CEACAM19: variants seen among roughly 807,000 people sequenced by gnomAD.
CEACAM19 encodes CEA cell adhesion molecule 19.
A neutral mutation model predicts 37.6 loss-of-function variants in CEACAM19; 37 were observed. That is an observed-to-expected ratio of 0.98 (90% CI 0.76 to 1.29). CEACAM19 has a LOEUF of 1.29. Among genes scored for constraint, CEACAM19 ranks in the 50% most tolerant of loss-of-function variants. CEACAM19 has a pLI of 0.00. For missense variants in CEACAM19, 340 were observed against 375.6 expected, an observed-to-expected ratio of 0.91 and a Z score of 0.78; for synonymous variants, 140 against 149.8, an observed-to-expected ratio of 0.93 and a Z score of 0.48.
chr19:44,672,761 G>A lies in CEACAM19; in HGVS notation c.221G>A (p.Gly74Asp), dbSNP rs765102638. The change falls in exon 2 of 8, where the codon GGC becomes GAC. Residue 74 changes from glycine to aspartate, a missense_variant. Physicochemically the swap from Gly to Asp is moderately conservative, Grantham distance 94 (BLOSUM62 -1). Coordinates refer to ENST00000358777, the MANE Select transcript of CEACAM19 (RefSeq NM_001127893.3). Reference protein sequence around the residue: ...NWYLGEETYGGTRLFTYIPGI... With the variant: ...NWYLGEETYGDTRLFTYIPGI... ...TACCTGGGGGAGGAGACGTACGGAG[G>A]CACGAGGCTATTTACCTACATCCCT... 1 of 1,581,062 alleles carries A rather than the reference G, an allele frequency of 6.3e-7. No homozygotes were observed. Among genetic ancestry groups the A allele is most frequent in the Non-Finnish European group, 8.6e-7 (1 of 1,161,604 alleles).
chr19:44,679,074 C>A, intron 4 of CEACAM19, 138 bp downstream of exon 4: 1 of 1,293,752 alleles, frequency 7.7e-7, no homozygotes, highest in Non-Finnish European at 1.0e-6. Context: ...CTCACCGTAG[C>A]CTCGACCTCC....
At chr19:44,675,062 G>C (rs1299361301) in intron 2 of CEACAM19, among the ~76,000 whole-genome samples, 2 of 151,496 alleles carry the variant, frequency 1.3e-5, no homozygotes, top group African/African-American at 4.9e-5. Flanking sequence ...AAATGGCATA[G>C]AGCTTACTTC....
chr19:44,679,398 A>G (rs1974013190), intron 4 of CEACAM19, among the ~76,000 whole-genome samples: 2 of 152,194 alleles, frequency 1.3e-5, no homozygotes, highest in African/African-American at 2.4e-5. Context: ...TGAGGTCAGG[A>G]GTTCGAGACC....
At chr19:44,674,456 C>A (rs1449925366) in intron 2 of CEACAM19, among the ~76,000 whole-genome samples, 1 of 152,118 alleles carries the variant, frequency 6.6e-6, no homozygotes, top group African/African-American at 2.4e-5. Context: ...GAATAAGCCA[C>A]CATGCCCAGT....
Position 44,684,309 on chromosome 19 carries a change from G to A in CEACAM19, c.*819G>A, listed in dbSNP as rs1408157922. ...AAACAAAAACTCCCGCTTTCCCAGA[G>A]GGTCACTTGGCAGGGGAAAGAATCA... On this transcript the variant is annotated 3_prime_UTR_variant, in exon 8 of 8. Coordinates refer to ENST00000358777, the MANE Select transcript of CEACAM19 (RefSeq NM_001127893.3). 2 of 152,182 alleles carry A rather than the reference G, an allele frequency of 1.3e-5. No individual in the cohort carries two copies. The highest frequency in any genetic ancestry group is 2.9e-5 in the Non-Finnish European group (2 of 68,052). The allele number at this position is 152,182 out of a possible 1,614,324, so 9.4% of individuals were successfully genotyped here. A position where few individuals can be genotyped will look rare whatever the true frequency, so the allele number is the denominator to read the frequency against.
upstream of CEACAM19, among the ~76,000 whole-genome samples, chr19:44,666,800 G>T (rs1297301014): frequency 6.6e-6 from 1 of 151,602 alleles, no homozygotes; most frequent in Non-Finnish European, 1.5e-5. Flanking sequence ...GGTCACGAGG[G>T]GTGGGGGCAA....
chr19:44,666,085 G>T (rs1450242146), intron 1 of CEACAM19: 2 of 152,214 alleles, frequency 1.3e-5, no homozygotes, highest in Non-Finnish European at 2.9e-5. Flanking sequence ...TGGGTGGTTG[G>T]AACATGTTTG....
At position 44,680,301 on chromosome 19, in the gene CEACAM19, G is replaced by A. The variant is rs748862625; in HGVS notation, c.673G>A (p.Glu225Lys). 1 of 1,610,152 alleles carries A rather than the reference G, an allele frequency of 6.2e-7. No individual in the cohort carries two copies. The highest frequency in any genetic ancestry group is 2.2e-5 in the East Asian group (1 of 44,828). Reference sequence around the variant, plus strand: ...ATGTGTCCCCAGGATGGCGACCACAGAGAAGCCAGAATTGGGCCCTGCTCA... The same window carrying A: ...ATGTGTCCCCAGGATGGCGACCACAAAGAAGCCAGAATTGGGCCCTGCTCA... ...VTPSTWMATT[E>K]KPELGPAHDA... The change falls in exon 5 of 8, where the codon GAG (glutamate) becomes AAG (lysine). Residue 225 changes from glutamate to lysine, a missense_variant. Glu to Lys is a moderately conservative substitution (Grantham distance 56). Coordinates refer to ENST00000358777, the MANE Select transcript of CEACAM19 (RefSeq NM_001127893.3).
rs935150375 is a variant in CEACAM19 at position 44,672,744 on chromosome 19, G to A, written c.204G>A (p.Gly68=). The A allele has an allele frequency of 6.3e-6, 10 of 1,584,342 alleles. No homozygotes were observed. In the African/African-American group the frequency reaches 8.1e-5, roughly 13 times the overall value. Residue 68 remains glycine (G), a synonymous_variant, in exon 2 of 8, where the codon GGG becomes GGA. Coordinates refer to ENST00000358777, the MANE Select transcript of CEACAM19 (RefSeq NM_001127893.3). ...TCCAGGACTTCAACTGGTACCTGGG[G>A]GAGGAGACGTACGGAGGCACGAGGC... is the stretch of plus-strand genomic sequence containing the variant. The part of the protein sequence containing the change: ...DTFQDFNWYL[G]EETYGGTRLF...
upstream of CEACAM19, among the ~76,000 whole-genome samples, chr19:44,668,343 TA>T (rs1568512729): frequency 3.7e-3 from 30 of 8,216 alleles, 4 homozygotes; most frequent in Non-Finnish European, 4.1e-3. Flanking sequence ...GTTTATAATA[TA>T]TATAATATAT....
At chr19:44,677,165 A>G (rs1371641957) in intron 3 of CEACAM19, among the ~76,000 whole-genome samples, 1 of 152,172 alleles carries the variant, frequency 6.6e-6, no homozygotes, top group Non-Finnish European at 1.5e-5. Flanking sequence ...AAGAGCCCCA[A>G]GTCTACCTCT....
At chr19:44,679,765 A>T (rs1357688942) in intron 4 of CEACAM19, among the ~76,000 whole-genome samples, 1 of 149,502 alleles carries the variant, frequency 6.7e-6, no homozygotes, top group African/African-American at 2.5e-5. Flanking sequence ...AAAAATTAAA[A>T]TAAAATAAAA....
intron 6 of CEACAM19, 85 bp downstream of exon 6, chr19:44,681,397 T>G: frequency 1.2e-6 from 1 of 806,382 alleles, no homozygotes; most frequent in Non-Finnish European, 2.1e-6. Context: ...CTGGGCCATC[T>G]TGACACCAGG....
In CEACAM19 at chr19:44,679,109, G is replaced by A. The variant is rs145179850; in HGVS notation, c.659+173G>A. Among the ~76,000 whole-genome samples, 852 of 151,902 alleles carry A rather than the reference G, an allele frequency of 5.6e-3. 5 individuals are homozygous for A. The highest frequency in any genetic ancestry group is 9.3e-3 in the Non-Finnish European group (629 of 67,962). ...CCTGGTTCAAACTATCCTCCCACCC[G>A]AGTCTCCCAAGTAGCTGGGACCCCA... On this transcript the variant is annotated intron_variant, in intron 4 of 7. Coordinates refer to ENST00000358777, the MANE Select transcript of CEACAM19 (RefSeq NM_001127893.3).
At chr19:44,682,458 TG>T in intron 6 of CEACAM19, 108 bp from the exon 7 acceptor site, 1 of 1,130,734 alleles carries the variant, frequency 8.8e-7, no homozygotes, top group Non-Finnish European at 1.3e-6. Context: ...CCTCACAGTC[TG>T]GGAGGGGTGA....
chr19:44,666,518 AAAT>A (rs1973717172), upstream of CEACAM19, among the ~76,000 whole-genome samples: 1 of 152,174 alleles, frequency 6.6e-6, no homozygotes, highest in Non-Finnish European at 1.5e-5. Context: ...AGAAATACAA[AAAT>A]AAGCCGGGCG....
At chr19:44,677,974 C>T (rs1405947345) in intron 3 of CEACAM19, 1 of 151,988 alleles carries the variant, frequency 6.6e-6, no homozygotes, top group Non-Finnish European at 1.5e-5. Context: ...CTGCGCCTGG[C>T]CTATTTCTTT....
chr19:44,667,907 A>AAT (rs1238304312), upstream of CEACAM19, among the ~76,000 whole-genome samples: 2 of 78,656 alleles, frequency 2.5e-5, no homozygotes, highest in Admixed American at 4.7e-4. Context: ...TAATATATAA[A>AAT]ATATATATAA....
chr19:44,674,974 A>G (rs1020234519), intron 2 of CEACAM19, among the ~76,000 whole-genome samples: 2 of 152,108 alleles, frequency 1.3e-5, no homozygotes, highest in East Asian at 1.9e-4. Context: ...TGGCCTGGGT[A>G]TGATCCCAGC....
Sources: allele counts gnomAD v4.1 joint callset (sites outside exome capture counted in the v4.1 genomes callset), GRCh38; gene constraint gnomAD v4.1.1; transcripts MANE v1.5; gene names NCBI Gene and HGNC (gene_info 2026-07-23, HGNC 2026-07-21).